The following ZC3H7A variants were observed in gnomAD, a reference collection of about 807,000 sequenced individuals.
ZC3H7A encodes the protein zinc finger CCCH domain-containing protein 7A.
A neutral mutation model predicts 125.5 loss-of-function variants in ZC3H7A; 44 were observed. The ratio of observed to expected loss-of-function variants is 0.35; its 90% CI spans 0.28 to 0.45. ZC3H7A has a LOEUF of 0.45. ZC3H7A is among the 20% of genes least tolerant of loss of function. The probability of loss-of-function intolerance (pLI) is 1.00; values close to 1 mark genes in which losing one functional copy is unlikely to be tolerated. For synonymous variants in ZC3H7A, 399 were observed against 391.2 expected, an observed-to-expected ratio of 1.02 and a Z score of -0.23; for missense variants, 977 against 1,170.7, an observed-to-expected ratio of 0.83 and a Z score of 2.41.
chr16:11,765,637 G>A lies in ZC3H7A; in HGVS notation c.1571C>T (p.Ala524Val). The A allele has an allele frequency of 6.2e-7, 1 of 1,613,924 alleles. No homozygotes were observed. The change falls in exon 14 of 23, where the codon GCT becomes GTT. Residue 524 changes from alanine (A) to valine (V), a missense_variant. Physicochemically the swap from Ala to Val is moderately conservative, Grantham distance 64. Around this residue, in one of 3 missense-constraint regions of ZC3H7A, gnomAD observed 436 missense variants for 603.2 expected, o/e 0.72. Coordinates refer to ENST00000355758, the MANE Select transcript of ZC3H7A (RefSeq NM_014153.4). The surrounding 1 kb of genome is among the most constrained non-coding windows in gnomAD (Gnocchi z 4.8). ...ECRYSGHCTF[A>V]YCQEEIDVWT... ...CACATCTATCTCCTCTTGGCAATAAGCAAACGTGCAGTGGCCTGAATATCT... is the reference window on the plus strand; with the variant it reads ...CACATCTATCTCCTCTTGGCAATAAACAAACGTGCAGTGGCCTGAATATCT...
At chr16:11,792,756 G>A (rs1203386257) in intron 1 of ZC3H7A, among the ~76,000 whole-genome samples, 1 of 152,216 alleles carries the variant, frequency 6.6e-6, no homozygotes, top group Non-Finnish European at 1.5e-5. Flanking sequence ...CAGACAGCCT[G>A]GCTCCAAGCC....
intron 7 of ZC3H7A, 81 bp from the exon 8 acceptor site, chr16:11,775,094 C>T (rs767897153): frequency 1.2e-5 from 18 of 1,486,148 alleles, no homozygotes; most frequent in Middle Eastern, 1.8e-4. Context: ...CACCCTAGGC[C>T]GGGCACAGTG....
At chr16:11,754,639 C>T (rs565169450) in intron 21 of ZC3H7A, among the ~76,000 whole-genome samples, 228 of 152,222 alleles carry the variant, frequency 1.5e-3, no homozygotes, top group Middle Eastern at 0.01. Flanking sequence ...CGCCTGTAAT[C>T]CCAGCACTTT....
chr16:11,755,715 A>G (rs1479697987), intron 21 of ZC3H7A, among the ~76,000 whole-genome samples: 2 of 152,180 alleles, frequency 1.3e-5, no homozygotes, highest in Non-Finnish European at 2.9e-5. Flanking sequence ...TGGACTTATG[A>G]TTCTCTGGCT....
At chr16:11,774,178 C>T (rs1363878052) in intron 9 of ZC3H7A, 58 bp downstream of exon 9, 3 of 1,431,804 alleles carry the variant, frequency 2.1e-6, no homozygotes, top group Non-Finnish European at 2.8e-6. Flanking sequence ...AGTTATATTA[C>T]AATTTTTAAA....
intron 11 of ZC3H7A, 21 bp from the exon 12 acceptor site, chr16:11,768,522 A>G: frequency 7.1e-7 from 1 of 1,410,606 alleles, no homozygotes. Flanking sequence ...AATAAGAAGA[A>G]AAAAAAAAAA....
chr16:11,754,328 A>T (rs1411674263), intron 21 of ZC3H7A, among the ~76,000 whole-genome samples: 1 of 142,200 alleles, frequency 7.0e-6, no homozygotes, highest in African/African-American at 2.6e-5. Context: ...AAAAATATAT[A>T]TATATATATA....
chr16:11,769,784 CTTTTTTTTTTTTTTTTTTT>C (rs200241879), intron 10 of ZC3H7A, among the ~76,000 whole-genome samples: 5 of 61,618 alleles, frequency 8.1e-5, no homozygotes, highest in African/African-American at 4.9e-4. Flanking sequence ...CAATTGCTTT[CTTTTTTTTTTTTTTTTTTT>C]TTTTGAGAAA....
At chr16:11,763,000 G>T in intron 16 of ZC3H7A, 1 of 384,598 alleles carries the variant, frequency 2.6e-6, no homozygotes, top group Non-Finnish European at 4.7e-6. Flanking sequence ...AATGACATGA[G>T]AACACACTCA....
intron 5 of ZC3H7A, 90 bp downstream of exon 5, chr16:11,776,661 G>A: frequency 1.6e-5 from 24 of 1,516,268 alleles, no homozygotes; most frequent in Non-Finnish European, 2.1e-5. Flanking sequence ...GAAGCAGGTT[G>A]ATGGATGACT....
At chr16:11,796,381 G>A (rs1266390084) in intron 1 of ZC3H7A, 1 of 152,284 alleles carries the variant, frequency 6.6e-6, no homozygotes, top group African/African-American at 2.4e-5. Context: ...GTCCTTCGTG[G>A]TTCAATACCG....
chr16:11,784,854 C>CAAAA (rs536349199), intron 1 of ZC3H7A, among the ~76,000 whole-genome samples: 3 of 59,986 alleles, frequency 5.0e-5, no homozygotes, highest in East Asian at 1.0e-3. Flanking sequence ...CACTCCATCT[C>CAAAA]AAAAAAAAAA....
chr16:11,772,950 C>T (rs1338334555), intron 9 of ZC3H7A, among the ~76,000 whole-genome samples: 2 of 151,766 alleles, frequency 1.3e-5, no homozygotes, highest in East Asian at 3.9e-4. Flanking sequence ...CTCAGCCTCC[C>T]AAAGTGCTGT....
intron 21 of ZC3H7A, among the ~76,000 whole-genome samples, chr16:11,755,912 C>G (rs940898595): frequency 1.3e-5 from 2 of 152,142 alleles, no homozygotes; most frequent in Non-Finnish European, 2.9e-5. Context: ...CGCTTGTAAT[C>G]CCAGCACTTT....
At chr16:11,780,046 C>G (rs747198476) in intron 3 of ZC3H7A, among the ~76,000 whole-genome samples, 24 of 151,932 alleles carry the variant, frequency 1.6e-4, no homozygotes, top group African/African-American at 5.6e-4. Flanking sequence ...TAAGTATACA[C>G]ATTCTTTTAG....
At chr16:11,761,114 C>T (rs1308230798) in intron 19 of ZC3H7A, among the ~76,000 whole-genome samples, 3 of 152,156 alleles carry the variant, frequency 2.0e-5, no homozygotes, top group African/African-American at 4.8e-5. Flanking sequence ...CTCTCATTCC[C>T]TCTCCAAAGT....
chr16:11,788,385 C>T (rs189839191), intron 1 of ZC3H7A, among the ~76,000 whole-genome samples: 4 of 152,332 alleles, frequency 2.6e-5, no homozygotes, highest in Non-Finnish European at 5.9e-5. Flanking sequence ...ACAACTCTCA[C>T]GTCCATCCCC....
Position 11,765,686 on chromosome 16 carries a change from C to A in ZC3H7A, c.1523-1G>T. The stretch of plus-strand genomic sequence containing the variant: ...CTACATTCCTCCTCAGCAGCAACAT[C>A]TAGAAAGACAGGGAATGGACAGACA... On this transcript the variant is annotated splice_acceptor_variant, in intron 13 of 22. Coordinates refer to ENST00000355758, the MANE Select transcript of ZC3H7A (RefSeq NM_014153.4). LOFTEE classifies it high-confidence loss of function. This position sits in a 1 kb window ranked among gnomAD's most constrained non-coding sequence, Gnocchi z 4.8. The A allele has an allele frequency of 6.2e-7, 1 of 1,609,604 alleles. No homozygotes were observed. Among genetic ancestry groups the A allele is most frequent in the Non-Finnish European group, 8.5e-7 (1 of 1,177,354 alleles).
At chr16:11,761,281 T>C in intron 19 of ZC3H7A, 125 bp downstream of exon 19, 1 of 915,036 alleles carries the variant, frequency 1.1e-6, no homozygotes, top group South Asian at 1.7e-5. Context: ...AGAGGAACCA[T>C]TTAAATAGCA....
Sources: gnomAD v4.1 joint callset for allele counts (sites outside exome capture counted in the v4.1 genomes callset) on GRCh38, gnomAD v4.1.1 for gene constraint, gnomAD v4.1.1 regional missense constraint, Gnocchi (gnomAD v3.1) non-coding constraint, MANE v1.5 for transcripts, NCBI Gene and HGNC (gene_info 2026-07-23, HGNC 2026-07-21) for gene names.